The following OR1B1 variants were observed in gnomAD, a reference collection of about 807,000 sequenced individuals.
OR1B1 encodes olfactory receptor family 1 subfamily B member 1.
For synonymous variants in OR1B1, 168 were observed against 156.2 expected, an observed-to-expected ratio of 1.08 and a Z score of -0.57; for missense variants, 414 against 402.1, an observed-to-expected ratio of 1.03 and a Z score of -0.25.
At chr9:122,650,191 T>C in the OR1B1 span, among the ~76,000 whole-genome samples, 3,377 of 151,122 alleles carry the variant, frequency 0.022, 127 homozygotes, top group African/African-American at 0.079. Context: ...TAAGTGGGAG[T>C]TGAACAAGGA....
exon 1 of OR1B1, chr9:122,629,482 C>G: frequency 1.3e-6 from 2 of 1,580,520 alleles, no homozygotes; most frequent in South Asian, 2.2e-5. Flanking sequence ...CTCTCGAGAA[C>G]CCAAGGAGCA....
the OR1B1 span, among the ~76,000 whole-genome samples, chr9:122,635,212 G>A: frequency 6.6e-6 from 1 of 152,042 alleles, no homozygotes; most frequent in African/African-American, 2.4e-5. Flanking sequence ...GCTCTTTTTT[G>A]TGATAACATA....
chr9:122,629,194 T>A (rs1337423768), exon 1 of OR1B1: 1 of 1,613,924 alleles, frequency 6.2e-7, no homozygotes, highest in Admixed American at 1.7e-5. Flanking sequence ...CAATGACAAG[T>A]GTATCTGTAA....
At chr9:122,648,740 G>A in the OR1B1 span, among the ~76,000 whole-genome samples, 12 of 152,136 alleles carry the variant, frequency 7.9e-5, no homozygotes, top group Admixed American at 6.5e-4. Flanking sequence ...ACTGCTCAAG[G>A]AAATAAGAGA....
the OR1B1 span, among the ~76,000 whole-genome samples, chr9:122,643,777 T>A: frequency 6.6e-6 from 1 of 152,174 alleles, no homozygotes; most frequent in African/African-American, 2.4e-5. Flanking sequence ...GGGTACCAAC[T>A]CAGCCACAGC....
chr9:122,635,831 C>A, the OR1B1 span, among the ~76,000 whole-genome samples: 1 of 151,958 alleles, frequency 6.6e-6, no homozygotes, highest in Non-Finnish European at 1.5e-5. Flanking sequence ...GTTAGGGAAA[C>A]CACTGAATAG....
exon 1 of OR1B1, chr9:122,628,584 G>A (rs1174924405): frequency 6.3e-7 from 1 of 1,592,614 alleles, no homozygotes; most frequent in African/African-American, 1.3e-5. Context: ...GCTAATCAGG[G>A]GTCTACCTTC....
the OR1B1 span, among the ~76,000 whole-genome samples, chr9:122,641,886 A>G: frequency 1.3e-5 from 2 of 152,218 alleles, no homozygotes; most frequent in Admixed American, 6.5e-5. Flanking sequence ...AATGAAAAAT[A>G]TAATTTTTTT....
At chr9:122,628,718 G>C in exon 1 of OR1B1, 1 of 1,613,968 alleles carries the variant, frequency 6.2e-7, no homozygotes, top group South Asian at 1.1e-5. Flanking sequence ...CTGATACTGA[G>C]AGTTCTGGAA....
At chr9:122,645,259 A>G in the OR1B1 span, among the ~76,000 whole-genome samples, 3 of 152,220 alleles carry the variant, frequency 2.0e-5, no homozygotes, top group South Asian at 6.2e-4. Context: ...AAAGAAAAAA[A>G]AACAGAATAA....
chr9:122,651,833 G>A, the OR1B1 span, among the ~76,000 whole-genome samples: 9 of 152,134 alleles, frequency 5.9e-5, no homozygotes, highest in Admixed American at 2.6e-4. Flanking sequence ...TATCACACAG[G>A]CTAGAGTGCA....
At chr9:122,635,198 T>G in the OR1B1 span, among the ~76,000 whole-genome samples, 1 of 152,120 alleles carries the variant, frequency 6.6e-6, no homozygotes, top group Non-Finnish European at 1.5e-5. Context: ...AAGGAAGAGG[T>G]TCTGCTCTTT....
chr9:122,643,590 G>A, the OR1B1 span, among the ~76,000 whole-genome samples: 1 of 152,200 alleles, frequency 6.6e-6, no homozygotes, highest in African/African-American at 2.4e-5. Context: ...TGGGCTTAAA[G>A]CCAGTGAACT....
chr9:122,630,308 G>GTGTT (rs1830191847), upstream of OR1B1, among the ~76,000 whole-genome samples: 1 of 152,174 alleles, frequency 6.6e-6, no homozygotes, highest in Admixed American at 6.5e-5. Flanking sequence ...TTTATTCCCT[G>GTGTT]TGTTAGTTAA....
the OR1B1 span, among the ~76,000 whole-genome samples, chr9:122,646,585 C>T: frequency 0.017 from 2,491 of 149,488 alleles, 31 homozygotes; most frequent in Middle Eastern, 0.028. Context: ...GCCTTCAAGA[C>T]AAAAACTGTA....
At chr9:122,634,758 T>C in the OR1B1 span, among the ~76,000 whole-genome samples, 507 of 152,054 alleles carry the variant, frequency 3.3e-3, 3 homozygotes, top group African/African-American at 0.012. Flanking sequence ...CAAATGGCCA[T>C]AGGTATATGA....
At chr9:122,631,440 G>T (rs1830202498), upstream of OR1B1, among the ~76,000 whole-genome samples, 1 of 152,148 alleles carries the variant, frequency 6.6e-6, no homozygotes, top group Non-Finnish European at 1.5e-5. Flanking sequence ...GCCTCCCAAA[G>T]TGCTGGGATT....
At chr9:122,650,546 T>C in the OR1B1 span, among the ~76,000 whole-genome samples, 1 of 152,058 alleles carries the variant, frequency 6.6e-6, no homozygotes, top group Non-Finnish European at 1.5e-5. Context: ...CTCAGGCTCA[T>C]GCTGTCATCT....
At chr9:122,643,506 C>T in the OR1B1 span, among the ~76,000 whole-genome samples, 1 of 152,180 alleles carries the variant, frequency 6.6e-6, no homozygotes, top group Non-Finnish European at 1.5e-5. Context: ...GAAGTGTTCT[C>T]GGGTCCTAGG....
Sources: allele counts gnomAD v4.1 joint callset (sites outside exome capture counted in the v4.1 genomes callset), GRCh38; gene constraint gnomAD v4.1.1; transcripts MANE v1.5; gene names NCBI Gene and HGNC (gene_info 2026-07-23, HGNC 2026-07-21).